Variants in CHST15 observed in about 807,000 individuals in gnomAD.
CHST15 encodes B cell RAG associated protein (GALNAC4S-6ST).
CHST15 carries 30 observed loss-of-function variants against 53.6 expected under a neutral mutation model. That is an observed-to-expected ratio of 0.56 (90% confidence interval 0.42 to 0.76). CHST15 has a LOEUF of 0.76. CHST15 is among the 30% of genes least tolerant of loss of function. The pLI, the probability that CHST15 is intolerant of heterozygous loss-of-function variation, is 0.00. For missense variants in CHST15, 627 were observed against 740.5 expected (o/e 0.85, Z 1.78); for synonymous variants, 296 against 289.8 (o/e 1.02, Z -0.22).
chr10:124,056,951 C>T, intron 1 of CHST15, among the ~76,000 whole-genome samples: 1 of 151,848 alleles, frequency 6.6e-6, no homozygotes, highest in Non-Finnish European at 1.5e-5. Context: ...AGGCCCAGGC[C>T]TGTACGACCG....
intron 6 of CHST15, among the ~76,000 whole-genome samples, chr10:124,016,583 A>G (rs1946592273): frequency 6.6e-6 from 1 of 152,184 alleles, no homozygotes. Context: ...TCCTGCCAGC[A>G]AAACCCTTTG....
At chr10:124,028,113 G>A (rs1236812698) in intron 5 of CHST15, among the ~76,000 whole-genome samples, 1 of 152,204 alleles carries the variant, frequency 6.6e-6, no homozygotes, top group Admixed American at 6.5e-5. Context: ...TAAACGTGAG[G>A]AACTCCAATG....
At chr10:124,038,307 T>C (rs1479892944) in intron 5 of CHST15, among the ~76,000 whole-genome samples, 1 of 152,114 alleles carries the variant, frequency 6.6e-6, no homozygotes, top group Non-Finnish European at 1.5e-5. Flanking sequence ...GGTTTCACCA[T>C]GTTGGCCAGG....
intron 1 of CHST15, among the ~76,000 whole-genome samples, chr10:124,082,251 C>A (rs1949270784): frequency 6.6e-6 from 1 of 152,168 alleles, no homozygotes; most frequent in Non-Finnish European, 1.5e-5. Context: ...AGAAGGCAAC[C>A]TGGGGTTTTA....
Position 124,044,694 on chromosome 10 carries a change from T to G in CHST15, c.772A>C (p.Ile258Leu). Reference sequence around the variant, plus strand: ...GTCCCGCACTTGGGCTGCCCTATGATGTAGAAGTGCGGCAGGCAGCGCAGG... The same window carrying G: ...GTCCCGCACTTGGGCTGCCCTATGAGGTAGAAGTGCGGCAGGCAGCGCAGG... Reference protein sequence around the residue: ...FRLRCLPHFYIIGQPKCGTTD... With the variant: ...FRLRCLPHFYLIGQPKCGTTD... The change falls in exon 3 of 8, where the codon ATC (isoleucine) becomes CTC (leucine). Residue 258 changes from isoleucine (I) to leucine (L), a missense_variant. This residue lies in a region of CHST15 where 161 missense variants were observed against 117.2 expected (regional missense o/e 1.37). Transcript: ENST00000435907. 1 of 1,613,826 alleles carries G rather than the reference T, an allele frequency of 6.2e-7. No individual in the cohort carries two copies. Among genetic ancestry groups the G allele is most frequent in the Non-Finnish European group, 8.5e-7 (1 of 1,179,892 alleles).
intron 1 of CHST15, among the ~76,000 whole-genome samples, chr10:124,090,008 C>T (rs569608475): frequency 1.3e-5 from 2 of 152,268 alleles, no homozygotes; most frequent in African/African-American, 2.4e-5. Context: ...GAGCTCTGCC[C>T]GCCTCACCTC....
At chr10:124,078,549 G>A (rs1213763838) in intron 1 of CHST15, among the ~76,000 whole-genome samples, 1 of 152,154 alleles carries the variant, frequency 6.6e-6, no homozygotes, top group Non-Finnish European at 1.5e-5. Context: ...CAGATCTGAG[G>A]TAGAAGGTCA....
intron 1 of CHST15, among the ~76,000 whole-genome samples, 178 bp downstream of exon 1, chr10:124,093,291 G>A (rs1341613656): frequency 6.7e-6 from 1 of 150,336 alleles, no homozygotes; most frequent in African/African-American, 2.5e-5. Flanking sequence ...GGAGCGCCGC[G>A]GGGAGTGAGG....
chr10:124,073,282 A>C (rs1305765498), intron 1 of CHST15, among the ~76,000 whole-genome samples: 1 of 152,248 alleles, frequency 6.6e-6, no homozygotes, highest in Non-Finnish European at 1.5e-5. Flanking sequence ...AGAATCTCAC[A>C]GATGTAGTAC....
chr10:124,058,553 G>T (rs1369728666), intron 1 of CHST15, among the ~76,000 whole-genome samples: 5 of 152,226 alleles, frequency 3.3e-5, no homozygotes, highest in Non-Finnish European at 7.3e-5. Flanking sequence ...GGCGAACGAA[G>T]CTGTTATTGG....
At chr10:124,058,810 CAG>C (rs1262483244) in intron 1 of CHST15, among the ~76,000 whole-genome samples, 2 of 152,220 alleles carry the variant, frequency 1.3e-5, no homozygotes, top group African/African-American at 4.8e-5. Context: ...ATATCCAGAA[CAG>C]AGTTCTTATT....
intron 1 of CHST15, among the ~76,000 whole-genome samples, chr10:124,051,357 G>A (rs1948189349): frequency 6.6e-6 from 1 of 152,134 alleles, no homozygotes; most frequent in African/African-American, 2.4e-5. Context: ...CCAATTAATG[G>A]GGTGGTATTG....
In CHST15 at chr10:124,036,401, G is replaced by A. The variant is rs544150165; in HGVS notation, c.1190+2114C>T. On this transcript the variant is annotated intron_variant, in intron 5 of 7. Coordinates refer to ENST00000435907, the MANE Select transcript of CHST15 (RefSeq NM_001270764.2). This position sits in a 1 kb window ranked among gnomAD's most constrained non-coding sequence, Gnocchi z 5.1. ...CTGGGAGATGCAGAGAGCAGGGAGC[G>A]AAACCACACCTGGCACCTGCTAGAA... is the stretch of plus-strand genomic sequence containing the variant. 5.9e-5 allele frequency among the ~76,000 whole-genome samples: 9 copies of A among 152,266 alleles called. No individual in the cohort carries two copies. The highest frequency in any genetic ancestry group is 3.9e-4 in the East Asian group (2 of 5,172).
chr10:124,012,218 C>G (rs1946435799), intron 7 of CHST15, 115 bp downstream of exon 7: 2 of 1,240,816 alleles, frequency 1.6e-6, no homozygotes, highest in Admixed American at 4.8e-5. Context: ...CCCAGGCCTC[C>G]CAGCTCAGCC....
At chr10:124,040,710 C>T (rs1338408271) in intron 4 of CHST15, among the ~76,000 whole-genome samples, 1 of 152,352 alleles carries the variant, frequency 6.6e-6, no homozygotes, top group South Asian at 2.1e-4. Flanking sequence ...AGTCCAGGAA[C>T]AGGAAAAATG....
intron 1 of CHST15, among the ~76,000 whole-genome samples, chr10:124,048,190 T>G (rs961857357): frequency 1.3e-5 from 2 of 152,220 alleles, no homozygotes; most frequent in African/African-American, 2.4e-5. Context: ...CTTAAATTAT[T>G]TGGAGAAAAT....
intron 6 of CHST15, chr10:124,020,850 A>T: frequency 8.0e-7 from 1 of 1,246,214 alleles, no homozygotes; most frequent in Non-Finnish European, 1.0e-6. Context: ...TCAAAGAAGC[A>T]TTGAAAATCA....
Position 124,019,995 on chromosome 10 carries a change from A to T in CHST15, c.1347+1261T>A. ...AGCACAGACATTCCCTCTCCTAAGA[A>T]CCTGCCTGAAGCCCCGTTCTCAGGT... On this transcript the variant is annotated intron_variant, in intron 6 of 7. Coordinates refer to ENST00000435907, the MANE Select transcript of CHST15 (RefSeq NM_001270764.2). This position sits in a 1 kb window ranked among gnomAD's most constrained non-coding sequence, Gnocchi z 4.6. 2 of 985,452 alleles carry T rather than the reference A, an allele frequency of 2.0e-6. No individual in the cohort carries two copies. The highest frequency in any genetic ancestry group is 2.4e-6 in the Non-Finnish European group (2 of 830,058). 61.0% of individuals were successfully genotyped at this position (985,452 alleles called of 1,614,324 possible).
intron 1 of CHST15, among the ~76,000 whole-genome samples, chr10:124,077,765 G>A (rs1215432331): frequency 6.6e-6 from 1 of 152,170 alleles, no homozygotes; most frequent in Non-Finnish European, 1.5e-5. Flanking sequence ...AATTAATGCT[G>A]CCCATGAGGC....
Sources: gnomAD v4.1 joint callset for allele counts (sites outside exome capture counted in the v4.1 genomes callset) on GRCh38, gnomAD v4.1.1 for gene constraint, gnomAD v4.1.1 regional missense constraint, Gnocchi (gnomAD v3.1) non-coding constraint, MANE v1.5 for transcripts, NCBI Gene and HGNC (gene_info 2026-07-23, HGNC 2026-07-21) for gene names.